Variants in MICAL2 observed in about 807,000 individuals in gnomAD.
The protein encoded by MICAL2 is microtubule associated monooxygenase, calponin and LIM domain containing 2.
Under a neutral mutation model 127.3 loss-of-function variants are expected in MICAL2, and 77 were observed. That is an observed-to-expected ratio of 0.60 (90% CI 0.50 to 0.73). The LOEUF (loss-of-function observed/expected upper bound fraction) is 0.73, where lower values mean the gene tolerates loss of function less well. MICAL2 is among the 30% of genes least tolerant of loss of function. The pLI is 0.00. For synonymous variants in MICAL2, 570 were observed against 551.1 expected, an observed-to-expected ratio of 1.03 and a Z score of -0.48; for missense variants, 1,351 against 1,434.4, an observed-to-expected ratio of 0.94 and a Z score of 0.94.
At chr11:12,152,411 C>T (rs1409662021) in intron 2 of MICAL2, among the ~76,000 whole-genome samples, 2 of 151,044 alleles carry the variant, frequency 1.3e-5, no homozygotes, top group African/African-American at 4.9e-5. Context: ...GTGGCCCCAT[C>T]TACTTTGTGT....
chr11:12,190,072 A>G (rs184236892), intron 3 of MICAL2, among the ~76,000 whole-genome samples: 140 of 152,308 alleles, frequency 9.2e-4, no homozygotes, highest in Non-Finnish European at 1.6e-3. Flanking sequence ...ACCCACATGG[A>G]GTTATCAAGA....
intron 6 of MICAL2, among the ~76,000 whole-genome samples, chr11:12,211,286 CAGG>C (rs747358118): frequency 3.0e-4 from 46 of 152,156 alleles, no homozygotes; most frequent in Non-Finnish European, 1.2e-4. Context: ...GAGGCTGAGG[CAGG>C]AGAATTGCTT....
At chr11:12,144,399 G>A (rs570840637) in intron 2 of MICAL2, among the ~76,000 whole-genome samples, 75 of 152,256 alleles carry the variant, frequency 4.9e-4, no homozygotes, top group Non-Finnish European at 9.7e-4. Context: ...CCTCCTCTGG[G>A]GCTTCTGGAT....
intron 12 of MICAL2, 145 bp from the exon 13 acceptor site, chr11:12,224,528 C>A: frequency 9.9e-7 from 1 of 1,011,938 alleles, no homozygotes; most frequent in Non-Finnish European, 1.4e-6. Flanking sequence ...GGAGCTGCAC[C>A]CGTGCCAGTG....
chr11:12,255,797 C>A, intron 23 of MICAL2, 47 bp downstream of exon 23: 1 of 1,495,086 alleles, frequency 6.7e-7, no homozygotes, highest in Non-Finnish European at 9.2e-7. Flanking sequence ...CTGGCTCTGG[C>A]ATCCCAGGGC....
chr11:12,342,108 A>G (rs1198989214), intron 32 of MICAL2, among the ~76,000 whole-genome samples: 1 of 152,258 alleles, frequency 6.6e-6, no homozygotes, highest in East Asian at 1.9e-4. Context: ...TTGAAGAGCC[A>G]GTTGACAGTG....
chr11:12,176,103 A>G (rs1856813669), intron 3 of MICAL2, among the ~76,000 whole-genome samples: 1 of 152,194 alleles, frequency 6.6e-6, no homozygotes, highest in African/African-American at 2.4e-5. Flanking sequence ...TAAGGAATGT[A>G]TTACATCCTG....
intron 3 of MICAL2, among the ~76,000 whole-genome samples, chr11:12,171,225 T>C (rs1166200665): frequency 4.6e-5 from 7 of 152,136 alleles, no homozygotes; most frequent in Non-Finnish European, 8.8e-5. Flanking sequence ...CTCCCTTTTC[T>C]TGGAGAAAAA....
chr11:12,144,617 CA>C (rs1852702182), intron 2 of MICAL2, among the ~76,000 whole-genome samples: 1 of 152,160 alleles, frequency 6.6e-6, no homozygotes, highest in Non-Finnish European at 1.5e-5. Context: ...CCATAAATTG[CA>C]ACGGTTCTGC....
intron 9 of MICAL2, 43 bp from the exon 10 acceptor site, chr11:12,221,597 CGGGA>C: frequency 7.5e-7 from 1 of 1,326,202 alleles, no homozygotes; most frequent in Non-Finnish European, 1.1e-6. Context: ...GATCATAGAT[CGGGA>C]GTCATCAGAA....
intron 3 of MICAL2, among the ~76,000 whole-genome samples, chr11:12,181,553 C>G (rs1857483063): frequency 6.6e-6 from 1 of 152,220 alleles, no homozygotes; most frequent in African/African-American, 2.4e-5. Context: ...ACTTTACAGT[C>G]TCTTCAATTA....
chr11:12,186,891 C>T (rs906904328), intron 3 of MICAL2, among the ~76,000 whole-genome samples: 2 of 152,198 alleles, frequency 1.3e-5, no homozygotes, highest in Admixed American at 6.5e-5. Flanking sequence ...CTGAGGCCCA[C>T]GGGCCCATGA....
intron 6 of MICAL2, among the ~76,000 whole-genome samples, chr11:12,211,501 C>T (rs1855462074): frequency 6.6e-6 from 1 of 152,306 alleles, no homozygotes; most frequent in South Asian, 2.1e-4. Context: ...GGGGCATTCC[C>T]AAAGGTGGCT....
intron 29 of MICAL2, among the ~76,000 whole-genome samples, chr11:12,299,777 T>C (rs1590728192): frequency 6.6e-6 from 1 of 152,350 alleles, no homozygotes; most frequent in South Asian, 2.1e-4. Context: ...GATCAAGCTA[T>C]AGAATGTTAT....
At chr11:12,238,980 C>G (rs1361647047) in intron 16 of MICAL2, among the ~76,000 whole-genome samples, 1 of 152,088 alleles carries the variant, frequency 6.6e-6, no homozygotes, top group Non-Finnish European at 1.5e-5. Flanking sequence ...CTGAGTGACC[C>G]CACCCGTGCT....
chr11:12,135,992 T>C (rs935926139), intron 1 of MICAL2, among the ~76,000 whole-genome samples: 1 of 152,054 alleles, frequency 6.6e-6, no homozygotes, highest in African/African-American at 2.4e-5. Context: ...ACTGAGGGCC[T>C]GGAGGCTCCA....
chr11:12,337,874 C>T (rs970209063), intron 32 of MICAL2, among the ~76,000 whole-genome samples: 1 of 152,074 alleles, frequency 6.6e-6, no homozygotes, highest in Non-Finnish European at 1.5e-5. Flanking sequence ...TTACTTCCAA[C>T]TATGTGGTCA....
rs147274542 is a variant in MICAL2 at position 12,344,428 on chromosome 11, T to C, written c.5516-5410T>C. ...TGGAGCACATTTTCCGTTTTTCATATGGAAAAGAAGCATGAATTATGATCC... is the reference window on the plus strand; with the variant it reads ...TGGAGCACATTTTCCGTTTTTCATACGGAAAAGAAGCATGAATTATGATCC... On this transcript the variant is annotated intron_variant, in intron 32 of 34. Coordinates refer to the MICAL2 transcript ENST00000646065. Among the ~76,000 whole-genome samples the C allele has an allele frequency of 4.7e-3, 707 of 151,036 alleles. 3 individuals carry two copies. The highest frequency in any genetic ancestry group is 0.016 in the African/African-American group (656 of 41,300).
intron 3 of MICAL2, among the ~76,000 whole-genome samples, chr11:12,180,350 T>TATATATATATATATATATA (rs1554968182): frequency 0.047 from 4,807 of 102,756 alleles, 138 homozygotes; most frequent in South Asian, 0.09. Flanking sequence ...TATGTATATA[T>TATATATATATATATATATA]TTTTTTTTTG....
Sources: gnomAD v4.1 joint callset for allele counts (sites outside exome capture counted in the v4.1 genomes callset) on GRCh38, gnomAD v4.1.1 for gene constraint, MANE v1.5 for transcripts, NCBI Gene and HGNC (gene_info 2026-07-23, HGNC 2026-07-21) for gene names.